Variants in LRRTM4 observed in about 807,000 individuals in gnomAD.
LRRTM4 encodes leucine rich repeat transmembrane neuronal 4.
A neutral mutation model predicts 47.6 loss-of-function variants in LRRTM4; 25 were observed. The observed-to-expected ratio is 0.53, with a 90% confidence interval of 0.38 to 0.73. LRRTM4 has a LOEUF of 0.73. Ranked by LOEUF, LRRTM4 falls within the 30% of genes least tolerant of loss-of-function variation. The pLI, the probability that LRRTM4 is intolerant of heterozygous loss-of-function variation, is 0.00. For synonymous variants in LRRTM4, 311 were observed against 269.5 expected, an observed-to-expected ratio of 1.15 and a Z score of -1.51; for missense variants, 638 against 713.4, an observed-to-expected ratio of 0.89 and a Z score of 1.20.
chr2:77,218,272 G>T (rs1019695560), intron 3 of LRRTM4, among the ~76,000 whole-genome samples: 8 of 152,244 alleles, frequency 5.3e-5, no homozygotes, highest in Admixed American at 2.0e-4. Context: ...GGGACTGTAG[G>T]TGTGAGCCAC....
Position 77,444,821 on chromosome 2 carries a change from T to C in LRRTM4, c.1551+73497A>G, listed in dbSNP as rs148900702. ...TCAGAAAGCTAATCAGTCTTAAATA[T>C]TAAAACATCTTCACGTTGTTTTTCT... On this transcript the variant is annotated intron_variant, in intron 3 of 3. Transcript: ENST00000409884. Among the ~76,000 whole-genome samples the C allele has an allele frequency of 6.0e-3, 909 of 151,934 alleles. 8 individuals carry two copies. Among genetic ancestry groups the C allele is most frequent in the African/African-American group, 0.021 (875 of 41,480 alleles).
At chr2:76,875,528 G>A (rs945147393) in intron 3 of LRRTM4, among the ~76,000 whole-genome samples, 3 of 152,110 alleles carry the variant, frequency 2.0e-5, no homozygotes, top group Admixed American at 6.6e-5. Flanking sequence ...AACTACATCA[G>A]TTAAGTAATT....
At chr2:77,111,558 T>C (rs1671250247) in intron 3 of LRRTM4, among the ~76,000 whole-genome samples, 1 of 152,092 alleles carries the variant, frequency 6.6e-6, no homozygotes, top group South Asian at 2.1e-4. Flanking sequence ...CTGTTATGAG[T>C]AGGGTGACAA....
intron 3 of LRRTM4, among the ~76,000 whole-genome samples, chr2:76,847,332 A>G (rs1008537701): frequency 6.6e-6 from 1 of 152,172 alleles, no homozygotes; most frequent in Non-Finnish European, 1.5e-5. Context: ...TTCTGTAACA[A>G]TAATTATGAT....
chr2:76,947,084 A>C (rs1489638451), intron 3 of LRRTM4, among the ~76,000 whole-genome samples: 1 of 151,894 alleles, frequency 6.6e-6, no homozygotes, highest in African/African-American at 2.4e-5. Flanking sequence ...TCAAGGAAGT[A>C]TTTAGATTTG....
At position 77,440,642 on chromosome 2, in the gene LRRTM4, T is replaced by G. The variant is rs377354855; in HGVS notation, c.1551+77676A>C. 3.3e-5 allele frequency among the ~76,000 whole-genome samples: 5 copies of G among 152,332 alleles called. No individual in the cohort carries two copies. The South Asian group carries it at 1.0e-3, about 32-fold the overall frequency. On this transcript the variant is annotated intron_variant, in intron 3 of 3. Transcript: ENST00000409884. The stretch of plus-strand genomic sequence containing the variant: ...TAAATCAGCACCGATTCTGTTGCAA[T>G]GAATTAATTAACGGACACTGAAATG...
At chr2:77,254,440 C>A (rs1675707378) in intron 3 of LRRTM4, among the ~76,000 whole-genome samples, 1 of 151,750 alleles carries the variant, frequency 6.6e-6, no homozygotes, top group East Asian at 1.9e-4. Context: ...TTAGGGCATT[C>A]TCTAAACAGA....
intron 3 of LRRTM4, among the ~76,000 whole-genome samples, chr2:76,922,732 ATACT>A (rs1674471649): frequency 6.6e-6 from 1 of 152,060 alleles, no homozygotes; most frequent in Non-Finnish European, 1.5e-5. Context: ...ATAATAAGGT[ATACT>A]TAAAGTTTGC....
chr2:77,119,070 C>T (rs954173336), intron 3 of LRRTM4, among the ~76,000 whole-genome samples: 5 of 151,714 alleles, frequency 3.3e-5, no homozygotes, highest in Non-Finnish European at 7.4e-5. Context: ...TATATCCAGC[C>T]AATTTTTGAA....
chr2:77,009,800 T>C (rs1270665424), intron 3 of LRRTM4: 2 of 152,082 alleles, frequency 1.3e-5, no homozygotes, highest in African/African-American at 4.8e-5. Context: ...TATTACAGTG[T>C]AAGTTTCCAT....
chr2:77,130,347 A>G (rs1017195960), intron 3 of LRRTM4, among the ~76,000 whole-genome samples: 2 of 151,950 alleles, frequency 1.3e-5, no homozygotes, highest in African/African-American at 4.8e-5. Context: ...GAACATTATT[A>G]GTTTTCCATG....
chr2:76,888,144 C>T (rs1462604142), intron 3 of LRRTM4, among the ~76,000 whole-genome samples: 1 of 149,372 alleles, frequency 6.7e-6, no homozygotes, highest in Non-Finnish European at 1.5e-5. Flanking sequence ...ATATGTATTA[C>T]CTATACATAT....
chr2:76,827,337 G>C (rs749489174), intron 3 of LRRTM4, among the ~76,000 whole-genome samples: 8 of 151,686 alleles, frequency 5.3e-5, no homozygotes, highest in Non-Finnish European at 1.0e-4. Flanking sequence ...TAAAGAGAAG[G>C]GTCAAACGCC....
At chr2:76,776,709 G>C (rs1486248483) in intron 3 of LRRTM4, among the ~76,000 whole-genome samples, 1 of 144,942 alleles carries the variant, frequency 6.9e-6, no homozygotes, top group Non-Finnish European at 1.5e-5. Flanking sequence ...TTTGTAGGTT[G>C]CCTGTTCACT....
intron 3 of LRRTM4, among the ~76,000 whole-genome samples, chr2:76,941,866 T>C (rs1490697981): frequency 6.6e-5 from 10 of 152,202 alleles, no homozygotes; most frequent in African/African-American, 2.4e-5. Context: ...TTTCTGTTTC[T>C]AGATCCTTGA....
At chr2:77,116,254 T>C (rs1671386355) in intron 3 of LRRTM4, among the ~76,000 whole-genome samples, 1 of 151,460 alleles carries the variant, frequency 6.6e-6, no homozygotes, top group Non-Finnish European at 1.5e-5. Flanking sequence ...CAATAAATCA[T>C]AGTATTTGAG....
chr2:77,385,878 G>C (rs1374128450), intron 3 of LRRTM4, among the ~76,000 whole-genome samples: 1 of 150,058 alleles, frequency 6.7e-6, no homozygotes, highest in Admixed American at 6.7e-5. Flanking sequence ...CTCCCGACTA[G>C]CTGGGATTAC....
At chr2:77,322,777 A>G (rs1677832359) in intron 3 of LRRTM4, among the ~76,000 whole-genome samples, 1 of 149,716 alleles carries the variant, frequency 6.7e-6, no homozygotes, top group East Asian at 2.0e-4. Context: ...TGTTATGCGT[A>G]TAACAGAGAA....
At chr2:76,954,237 G>T (rs1675596499) in intron 3 of LRRTM4, among the ~76,000 whole-genome samples, 1 of 151,726 alleles carries the variant, frequency 6.6e-6, no homozygotes, top group African/African-American at 2.4e-5. Context: ...AAACTCTAGG[G>T]AAATAGATGT....
Sources: allele counts gnomAD v4.1 joint callset (sites outside exome capture counted in the v4.1 genomes callset), GRCh38; gene constraint gnomAD v4.1.1; transcripts MANE v1.5; gene names NCBI Gene and HGNC (gene_info 2026-07-23, HGNC 2026-07-21).